BTD: variants seen among roughly 807,000 people sequenced by gnomAD.
BTD encodes the protein biocytinase.
In BTD, 13 loss-of-function variants were observed where a neutral mutation model predicts 17.7. The observed-to-expected ratio is 0.74, with a 90% CI of 0.48 to 1.17. The LOEUF (loss-of-function observed/expected upper bound fraction) is 1.17. BTD is among the 50% of genes most tolerant of loss of function. The probability of loss-of-function intolerance (pLI) is 0.00; values close to 1 mark genes in which losing one functional copy is unlikely to be tolerated. For missense variants in BTD, 674 were observed against 650.4 expected (o/e 1.04, Z -0.39); for synonymous variants, 240 against 245.2 (o/e 0.98, Z 0.20).
rs748963622 is a variant in BTD at position 15,644,774 on chromosome 3, G to T, written c.858G>T (p.Leu286=). 3.7e-6 allele frequency: 6 copies of T among 1,614,028 alleles called. No homozygotes were observed. The highest frequency in any genetic ancestry group is 2.5e-6 in the Non-Finnish European group (3 of 1,180,034). Residue 286 remains leucine (L), a synonymous_variant, in exon 4 of 4, where the codon CTG becomes CTT. Transcript: ENST00000643237. ...CAGCTAATGTCCACCACCCAGTTCT[G>T]GGGATGACAGGAAGTGGCATACACA... ...VLAANVHHPV[L]GMTGSGIHTP...
chr3:15,661,696 TA>T (rs2065927037), intron 3 of BTD, among the ~76,000 whole-genome samples: 2 of 152,230 alleles, frequency 1.3e-5, no homozygotes, highest in African/African-American at 4.8e-5. Flanking sequence ...TTTGGTGTTA[TA>T]TCTAAAAAGT....
At chr3:15,701,705 G>A (rs973214767) in intron 3 of BTD, among the ~76,000 whole-genome samples, 3 of 152,172 alleles carry the variant, frequency 2.0e-5, no homozygotes, top group African/African-American at 7.2e-5. Context: ...CTATGATAAA[G>A]AAATAAAATA....
rs894146136 is a variant in BTD, at chr3:15,647,257, G to T, written c.*1769G>T. ...GCGGCCCCAGATGTGGCTACCCACC[G>T]CCCAGTCTGCTTCCCTGCCTCAAAC... On this transcript the variant is annotated 3_prime_UTR_variant, in exon 4 of 4. Coordinates refer to ENST00000643237, the MANE Select transcript of BTD (RefSeq NM_001370658.1). The T allele has an allele frequency of 3.9e-5, 6 of 152,344 alleles. No individual in the cohort carries two copies. Among genetic ancestry groups the T allele is most frequent in the African/African-American group, 1.2e-4 (5 of 41,572 alleles). The allele number at this position is 152,344 out of a possible 1,614,324, so 9.4% of individuals were successfully genotyped here. A position where few individuals can be genotyped will look rare whatever the true frequency, so the allele number is the denominator to read the frequency against.
chr3:15,642,362 T>A, intron 3 of BTD: 1 of 898,616 alleles, frequency 1.1e-6, no homozygotes, highest in Non-Finnish European at 1.6e-6. Flanking sequence ...CTGCACCTCA[T>A]CCCATGCCCT....
downstream of BTD, among the ~76,000 whole-genome samples, chr3:15,655,911 T>C (rs2065866845): frequency 6.6e-6 from 1 of 152,182 alleles, no homozygotes; most frequent in Non-Finnish European, 1.5e-5. Context: ...CAAGCAATTC[T>C]CCTGCCTCAG....
chr3:15,686,032 A>C (rs1309984424), intron 3 of BTD: 1 of 1,613,712 alleles, frequency 6.2e-7, no homozygotes, highest in Admixed American at 1.7e-5. Context: ...TTCCCCACTT[A>C]TCTTTGGCAT....
intron 3 of BTD, among the ~76,000 whole-genome samples, chr3:15,695,933 A>G (rs1489515099): frequency 1.3e-5 from 2 of 152,100 alleles, no homozygotes; most frequent in African/African-American, 4.8e-5. Flanking sequence ...CTCTTCAGAG[A>G]TCTAATTTTC....
At chr3:15,675,340 G>A (rs2125636667) in intron 3 of BTD, among the ~76,000 whole-genome samples, 1 of 152,308 alleles carries the variant, frequency 6.6e-6, no homozygotes, top group Admixed American at 6.5e-5. Flanking sequence ...CAGCAAGAGA[G>A]TAGTTTTGCT....
intron 3 of BTD, among the ~76,000 whole-genome samples, chr3:15,708,477 G>C (rs1055416213): frequency 6.6e-6 from 1 of 151,710 alleles, no homozygotes; most frequent in African/African-American, 2.4e-5. Context: ...CAAAAGGTAA[G>C]AGAAAAAAAT....
chr3:15,641,305 C>T (rs1034472698), intron 2 of BTD, among the ~76,000 whole-genome samples: 2 of 152,182 alleles, frequency 1.3e-5, no homozygotes, highest in Non-Finnish European at 2.9e-5. Flanking sequence ...GCCTCTTACC[C>T]ACTGGCCCAG....
intron 3 of BTD, among the ~76,000 whole-genome samples, chr3:15,666,865 A>G (rs1343176528): frequency 6.6e-6 from 1 of 152,248 alleles, no homozygotes; most frequent in East Asian, 1.9e-4. Flanking sequence ...CTAGTCTTCC[A>G]TGACGCCTGT....
At chr3:15,703,485 G>A (rs778540755) in intron 3 of BTD, among the ~76,000 whole-genome samples, 1 of 152,174 alleles carries the variant, frequency 6.6e-6, no homozygotes, top group Non-Finnish European at 1.5e-5. Context: ...TTATAAATAA[G>A]GCCCAAAAGA....
chr3:15,709,991 G>A (rs1341954423), intron 3 of BTD, among the ~76,000 whole-genome samples: 2 of 151,264 alleles, frequency 1.3e-5, no homozygotes, highest in African/African-American at 4.9e-5. Context: ...GATCACATTT[G>A]CAAAAGAGAT....
intron 3 of BTD, chr3:15,676,164 T>G: frequency 2.2e-6 from 1 of 452,408 alleles, no homozygotes. Flanking sequence ...CTCTGTGCAG[T>G]GCACTGTCAC....
At chr3:15,614,221 T>A (rs1039625727) in intron 1 of BTD, among the ~76,000 whole-genome samples, 1 of 150,720 alleles carries the variant, frequency 6.6e-6, no homozygotes, top group East Asian at 2.0e-4. Context: ...ACTCCTGGGC[T>A]CAAGCAATCC....
chr3:15,640,398 C>CT (rs548991745), intron 2 of BTD, among the ~76,000 whole-genome samples: 6,308 of 145,026 alleles, frequency 0.043, 445 homozygotes, highest in African/African-American at 0.15. Context: ...TTTTTTTTTC[C>CT]TTTTTTTTTT....
chr3:15,657,834 A>G (rs2065885946), downstream of BTD, among the ~76,000 whole-genome samples: 1 of 152,112 alleles, frequency 6.6e-6, no homozygotes, highest in South Asian at 2.1e-4. Flanking sequence ...TGAAAAAAAA[A>G]AAAGAGTACC....
intron 3 of BTD, among the ~76,000 whole-genome samples, chr3:15,695,499 T>C (rs1282774344): frequency 6.6e-6 from 1 of 152,192 alleles, no homozygotes; most frequent in African/African-American, 2.4e-5. Flanking sequence ...TCTTGTTTTA[T>C]ATCTACGCTC....
chr3:15,705,210 G>T (rs1294328824), intron 3 of BTD, among the ~76,000 whole-genome samples: 1 of 152,124 alleles, frequency 6.6e-6, no homozygotes, highest in African/African-American at 2.4e-5. Context: ...TTTATATTCA[G>T]TAAGAAAACT....
Sources: allele counts gnomAD v4.1 joint callset (sites outside exome capture counted in the v4.1 genomes callset), GRCh38; gene constraint gnomAD v4.1.1; transcripts MANE v1.5; gene names NCBI Gene and HGNC (gene_info 2026-07-23, HGNC 2026-07-21).